The following APBA1 variants were observed in gnomAD, a reference collection of about 807,000 sequenced individuals.
APBA1 encodes the protein amyloid beta precursor protein binding family A member 1.
In APBA1, 55 loss-of-function variants were observed where a neutral mutation model predicts 86.6. The ratio of observed to expected loss-of-function variants is 0.64; its 90% CI spans 0.51 to 0.80. APBA1 has a LOEUF of 0.80. Among genes scored for constraint, APBA1 ranks in the 30% least tolerant of loss-of-function variants. The probability of loss-of-function intolerance (pLI) is 0.00; values close to 1 mark genes in which losing one functional copy is unlikely to be tolerated. For missense variants in APBA1, 1,090 were observed against 1,183.0 expected (o/e 0.92, Z 1.15); for synonymous variants, 511 against 493.9 (o/e 1.03, Z -0.46).
At chr9:69,612,671 A>G (rs1299752555) in intron 1 of APBA1, among the ~76,000 whole-genome samples, 1 of 152,064 alleles carries the variant, frequency 6.6e-6, no homozygotes, top group Non-Finnish European at 1.5e-5. Context: ...TTAAAATTCT[A>G]ATTAACATAA....
chr9:69,440,068 G>C (rs568752296), intron 11 of APBA1, among the ~76,000 whole-genome samples: 1 of 152,176 alleles, frequency 6.6e-6, no homozygotes, highest in Non-Finnish European at 1.5e-5. Flanking sequence ...TGTTTGCCTG[G>C]GTATCAGCAG....
At chr9:69,492,060 G>A (rs972661246) in intron 2 of APBA1, among the ~76,000 whole-genome samples, 2 of 152,040 alleles carry the variant, frequency 1.3e-5, no homozygotes, top group African/African-American at 4.8e-5. Context: ...CCACTGCTGC[G>A]CCCAGTGCCT....
intron 2 of APBA1, among the ~76,000 whole-genome samples, chr9:69,493,947 A>G (rs1468998679): frequency 6.6e-6 from 1 of 152,064 alleles, no homozygotes; most frequent in Admixed American, 6.5e-5. Context: ...TCCACATTAG[A>G]ATTGTTTTTA....
chr9:69,628,219 C>A (rs537755805), intron 1 of APBA1, among the ~76,000 whole-genome samples: 18 of 152,236 alleles, frequency 1.2e-4, no homozygotes, highest in African/African-American at 3.4e-4. Flanking sequence ...TTTCTACCAA[C>A]AAACTAATGA....
intron 11 of APBA1, among the ~76,000 whole-genome samples, chr9:69,435,565 ATG>A (rs1834694253): frequency 6.6e-6 from 1 of 152,042 alleles, no homozygotes; most frequent in Admixed American, 6.5e-5. Flanking sequence ...GCATTTTTTC[ATG>A]TGTCTTTTGG....
intron 5 of APBA1, among the ~76,000 whole-genome samples, chr9:69,460,076 G>A (rs545707254): frequency 6.6e-6 from 1 of 152,286 alleles, no homozygotes; most frequent in African/African-American, 2.4e-5. Context: ...AAGCTCCTCT[G>A]CTCTCAGCAG....
chr9:69,437,516 G>A (rs1258197764), intron 11 of APBA1, among the ~76,000 whole-genome samples: 1 of 107,304 alleles, frequency 9.3e-6, no homozygotes, highest in African/African-American at 3.8e-5. Context: ...GAGGGTGTAT[G>A]TGTTGAGGAA....
At chr9:69,533,063 T>C (rs1836457084) in intron 1 of APBA1, among the ~76,000 whole-genome samples, 2 of 152,198 alleles carry the variant, frequency 1.3e-5, no homozygotes, top group African/African-American at 4.8e-5. Context: ...TGTCCTTGGA[T>C]AGAATCCTAT....
intron 1 of APBA1, among the ~76,000 whole-genome samples, chr9:69,616,580 T>G (rs927941175): frequency 1.3e-5 from 2 of 152,220 alleles, no homozygotes; most frequent in African/African-American, 4.8e-5. Flanking sequence ...CACTTTGAAA[T>G]GAGAGCTAAT....
chr9:69,564,998 A>G (rs1351950265), intron 1 of APBA1, among the ~76,000 whole-genome samples: 1 of 152,210 alleles, frequency 6.6e-6, no homozygotes, highest in Non-Finnish European at 1.5e-5. Context: ...AATTTAGTGA[A>G]AAAGAGGCAG....
At chr9:69,580,261 G>A (rs1482650040) in intron 1 of APBA1, among the ~76,000 whole-genome samples, 1 of 152,236 alleles carries the variant, frequency 6.6e-6, no homozygotes, top group Non-Finnish European at 1.5e-5. Context: ...GGTGAGTGCT[G>A]TTGTCCATGA....
chr9:69,597,258 G>T (rs1471428133), intron 1 of APBA1, among the ~76,000 whole-genome samples: 5 of 152,176 alleles, frequency 3.3e-5, no homozygotes, highest in African/African-American at 1.2e-4. Flanking sequence ...GCATTTCTCT[G>T]ATGGCCAGTG....
intron 1 of APBA1, among the ~76,000 whole-genome samples, chr9:69,544,588 A>G (rs560121031): frequency 2.6e-5 from 4 of 152,204 alleles, no homozygotes; most frequent in Non-Finnish European, 5.9e-5. Context: ...CTAACCTTAT[A>G]CACAGGGTCC....
rs117851606 is a variant in APBA1, at chr9:69,663,797, A to T, written c.-70+8356T>A. Among the ~76,000 whole-genome samples, 825 of 152,162 alleles carry T rather than the reference A, an allele frequency of 5.4e-3. 5 individuals carry two copies. The highest frequency in any genetic ancestry group is 0.01 in the Middle Eastern group (3 of 294). ...TTGGTTTTGCCACCATACCTTGACA[A>T]CCTCCTGTGATCACTTTACATATAC... On this transcript the variant is annotated intron_variant, in intron 1 of 12. Transcript: ENST00000265381.
rs184368235 is a variant in APBA1 at position 69,440,189 on chromosome 9, T to C, written c.2301+807A>G. Among the ~76,000 whole-genome samples the C allele has an allele frequency of 3.2e-3, 489 of 152,118 alleles. 2 individuals are homozygous for C. The highest frequency in any genetic ancestry group is 0.011 in the African/African-American group (461 of 41,500). Reference sequence around the variant, plus strand: ...CCGGCTGTGTGAGGTGTCAGTCTGCTCCTACTGGGGGGTGCCTCCCAGTTA... The same window carrying C: ...CCGGCTGTGTGAGGTGTCAGTCTGCCCCTACTGGGGGGTGCCTCCCAGTTA... On this transcript the variant is annotated intron_variant, in intron 11 of 12. Transcript: ENST00000265381.
At chr9:69,577,707 A>C (rs1446444094) in intron 1 of APBA1, among the ~76,000 whole-genome samples, 5 of 152,246 alleles carry the variant, frequency 3.3e-5, no homozygotes, top group African/African-American at 9.6e-5. Context: ...TATGACAATG[A>C]AAAATAAATA....
chr9:69,658,222 C>CTTTCTTTCTT (rs1353669828), intron 1 of APBA1, among the ~76,000 whole-genome samples: 7 of 104,302 alleles, frequency 6.7e-5, no homozygotes, highest in African/African-American at 2.2e-4. Context: ...AGTCCTTTCT[C>CTTTCTTTCTT]TCTTTCTTTC....
chr9:69,491,709 G>C (rs947787751), intron 2 of APBA1, among the ~76,000 whole-genome samples: 2 of 151,262 alleles, frequency 1.3e-5, no homozygotes, highest in African/African-American at 2.4e-5. Context: ...GAAAAGTATA[G>C]TGCAATTCCA....
intron 5 of APBA1, chr9:69,462,937 T>G (rs1053948651): frequency 6.6e-6 from 1 of 152,302 alleles, no homozygotes; most frequent in Admixed American, 6.5e-5. Flanking sequence ...GCAATGCTGA[T>G]GCTACTGGTC....
Sources: gnomAD v4.1 joint callset for allele counts (sites outside exome capture counted in the v4.1 genomes callset) on GRCh38, gnomAD v4.1.1 for gene constraint, MANE v1.5 for transcripts, NCBI Gene and HGNC (gene_info 2026-07-23, HGNC 2026-07-21) for gene names.